The following TTC17 variants were observed in gnomAD, a reference collection of about 807,000 sequenced individuals.
TTC17 encodes tetratricopeptide repeat domain 17, also known as tetratricopeptide repeat protein 17.
In TTC17, 58 loss-of-function variants were observed where a neutral mutation model predicts 143.8. That is an observed-to-expected ratio of 0.40 (90% confidence interval 0.33 to 0.50). TTC17 has a LOEUF of 0.50. Among genes scored for constraint, TTC17 ranks in the 20% least tolerant of loss-of-function variants. The pLI is 0.49. For synonymous variants in TTC17, 501 were observed against 497.8 expected (o/e 1.01, Z -0.09); for missense variants, 1,273 against 1,392.5 (o/e 0.91, Z 1.37).
chr11:43,461,976 T>C (rs1017065902), intron 21 of TTC17, among the ~76,000 whole-genome samples: 1 of 150,238 alleles, frequency 6.7e-6, no homozygotes, highest in African/African-American at 2.5e-5. Flanking sequence ...CAAGGGAAGA[T>C]AAAGGTACAT....
At chr11:43,401,980 A>T (rs963210078) in intron 10 of TTC17, among the ~76,000 whole-genome samples, 8 of 140,366 alleles carry the variant, frequency 5.7e-5, no homozygotes, top group South Asian at 2.4e-4. Context: ...TGTGTCTCAA[A>T]AAATAAATAA....
intron 4 of TTC17, 66 bp from the exon 5 acceptor site, chr11:43,391,755 A>T: frequency 6.4e-7 from 1 of 1,567,088 alleles, no homozygotes; most frequent in South Asian, 1.2e-5. Context: ...ACACTACAAG[A>T]TACTGAATTA....
In TTC17 at chr11:43,404,091, C is replaced by T; in HGVS notation, c.1426C>T (p.Pro476Ser). The T allele has an allele frequency of 6.2e-7, 1 of 1,613,496 alleles. No individual in the cohort carries two copies. Among genetic ancestry groups the T allele is most frequent in the East Asian group, 2.2e-5 (1 of 44,854 alleles). Reference sequence around the variant, plus strand: ...TATCAATGATTCGGTCAAGTCTTCTCCCGTAGCCCATTCTATTCTCTGGAT... The same window carrying T: ...TATCAATGATTCGGTCAAGTCTTCTTCCGTAGCCCATTCTATTCTCTGGAT... The part of the protein sequence containing the change: ...SDINDSVKSS[P>S]VAHSILWIWG... The change falls in exon 11 of 24, where the codon CCC becomes TCC. Residue 476 changes from proline to serine, a missense_variant. Pro to Ser is a moderately conservative substitution (Grantham distance 74). Around this residue, in one of 3 missense-constraint regions of TTC17, gnomAD observed 878 missense variants for 899.8 expected, o/e 0.98. Coordinates refer to ENST00000039989, the MANE Select transcript of TTC17 (RefSeq NM_018259.6).
intron 21 of TTC17, among the ~76,000 whole-genome samples, chr11:43,462,664 A>G (rs1750048774): frequency 6.6e-6 from 1 of 152,204 alleles, no homozygotes. Flanking sequence ...CACAGTAGCT[A>G]TAGGAAAGTA....
intron 9 of TTC17, among the ~76,000 whole-genome samples, 198 bp from the exon 10 acceptor site, chr11:43,401,248 G>A (rs958438894): frequency 6.6e-6 from 1 of 152,160 alleles, no homozygotes; most frequent in African/African-American, 2.4e-5. Flanking sequence ...GTTTTTGTAG[G>A]TGGAAAAACT....
chr11:43,450,262 A>G, intron 20 of TTC17, 21 bp downstream of exon 20: 2 of 1,600,782 alleles, frequency 1.2e-6, no homozygotes, highest in Non-Finnish European at 1.7e-6. Context: ...GGCTTTGTTC[A>G]GGCTGTTTTT....
intron 1 of TTC17, among the ~76,000 whole-genome samples, chr11:43,372,482 T>TTTTTTTTTTTATTTATTTA (rs1554983138): frequency 6.9e-6 from 1 of 145,854 alleles, no homozygotes; most frequent in African/African-American, 2.6e-5. Context: ...TATTTTTATT[T>TTTTTTTTTTTATTTATTTA]TTTATTTATT....
rs542139644 is a variant in TTC17, at chr11:43,374,702, A to G, written c.160-4531A>G. Among the ~76,000 whole-genome samples the G allele has an allele frequency of 2.2e-4, 34 of 152,082 alleles. No individual in the cohort carries two copies. The East Asian group carries it at 3.5e-3, about 16-fold the overall frequency. On this transcript the variant is annotated intron_variant, in intron 1 of 23. Transcript: ENST00000039989. ...TAGAGAAGTGCAAATCAAAACCACA[A>G]TAAGATACTACCTCGCACCAGTCAG... is the stretch of plus-strand genomic sequence containing the variant.
In TTC17 at chr11:43,493,952, A is replaced by AG. The variant is rs760415292; in HGVS notation, c.*49dup. ...CTCTTTACTCATGCTCTAAAAAAAA[A>AG]GAATAAGAAAAGAAACCAATCATTG... On this transcript the variant is annotated 3_prime_UTR_variant, in exon 24 of 24. Coordinates refer to ENST00000039989, the MANE Select transcript of TTC17 (RefSeq NM_018259.6). 6 of 1,516,982 alleles carry AG rather than the reference A, an allele frequency of 4.0e-6. No individual in the cohort carries two copies. The highest frequency in any genetic ancestry group is 2.8e-5 in the African/African-American group (2 of 71,540). The allele number at this position is 1,516,982 out of a possible 1,614,324, so 94.0% of individuals were successfully genotyped here.
intron 21 of TTC17, among the ~76,000 whole-genome samples, chr11:43,462,699 G>T (rs1216383481): frequency 6.6e-6 from 1 of 152,110 alleles, no homozygotes; most frequent in Non-Finnish European, 1.5e-5. Flanking sequence ...CACAAGGTAG[G>T]TATGTTCTGT....
At chr11:43,445,925 G>A (rs554909130) in intron 18 of TTC17, 1 of 1,152,300 alleles carries the variant, frequency 8.7e-7, no homozygotes, top group Non-Finnish European at 1.3e-6. Flanking sequence ...TTCCTTTTTT[G>A]GTTAGGGCTA....
At chr11:43,404,237 A>G (rs902188916) in intron 11 of TTC17, 93 bp downstream of exon 11, 9 of 1,253,332 alleles carry the variant, frequency 7.2e-6, no homozygotes, top group African/African-American at 3.0e-5. Context: ...TATGGCCTCT[A>G]TGACTGTTCA....
intron 9 of TTC17, among the ~76,000 whole-genome samples, chr11:43,401,136 AAGAT>A (rs1428153917): frequency 6.6e-6 from 1 of 152,222 alleles, no homozygotes; most frequent in Non-Finnish European, 1.5e-5. Flanking sequence ...TCTCTCCAGA[AAGAT>A]GGCCAAAGTC....
chr11:43,427,506 A>T (rs1434089719), intron 16 of TTC17, among the ~76,000 whole-genome samples: 1 of 152,174 alleles, frequency 6.6e-6, no homozygotes, highest in Non-Finnish European at 1.5e-5. Flanking sequence ...GACTACATAC[A>T]TCCTGCTTTG....
chr11:43,416,473 A>G (rs573772992), intron 16 of TTC17, among the ~76,000 whole-genome samples: 9 of 152,218 alleles, frequency 5.9e-5, no homozygotes, highest in Admixed American at 5.2e-4. Flanking sequence ...ATATATTCTT[A>G]GTACATGTAA....
At chr11:43,454,325 G>A (rs1321446013) in intron 21 of TTC17, among the ~76,000 whole-genome samples, 2 of 151,998 alleles carry the variant, frequency 1.3e-5, no homozygotes, top group East Asian at 3.9e-4. Flanking sequence ...GGAGAGTAAT[G>A]GTATTATATA....
chr11:43,392,083 CATTGATGCAA>C, intron 5 of TTC17, 131 bp downstream of exon 5: 3 of 1,074,990 alleles, frequency 2.8e-6, no homozygotes, highest in South Asian at 3.6e-5. Context: ...ATTACACTTA[CATTGATGCAA>C]ATTGCATAGT....
At chr11:43,473,848 A>G (rs1948134841) in intron 21 of TTC17, among the ~76,000 whole-genome samples, 1 of 151,496 alleles carries the variant, frequency 6.6e-6, no homozygotes. Context: ...GCACCCCTGC[A>G]CTTCAGCCTG....
intron 20 of TTC17, 117 bp downstream of exon 20, chr11:43,450,358 G>T: frequency 8.1e-7 from 1 of 1,241,456 alleles, no homozygotes. Context: ...GCTTTTTTCA[G>T]TTAGGCATCA....
Sources: gnomAD v4.1 joint callset for allele counts (sites outside exome capture counted in the v4.1 genomes callset) on GRCh38, gnomAD v4.1.1 for gene constraint, gnomAD v4.1.1 regional missense constraint, MANE v1.5 for transcripts, NCBI Gene and HGNC (gene_info 2026-07-23, HGNC 2026-07-21) for gene names.